GRM5: variants seen among roughly 807,000 people sequenced by gnomAD.
GRM5 encodes the protein metabotropic glutamate receptor 5.
A neutral mutation model predicts 83.1 loss-of-function variants in GRM5; 19 were observed. The observed-to-expected ratio is 0.23, with a 90% CI of 0.16 to 0.34. The LOEUF is 0.34. Ranked by LOEUF, GRM5 falls within the 10% of genes least tolerant of loss-of-function variation. The probability of loss-of-function intolerance (pLI) is 1.00; values close to 1 mark genes in which losing one functional copy is unlikely to be tolerated. For synonymous variants in GRM5, 675 were observed against 633.6 expected (o/e 1.07, Z -0.98); for missense variants, 1,160 against 1,588.3 (o/e 0.73, Z 4.58).
At chr11:88,875,876 A>T (rs1944845041) in intron 2 of GRM5, among the ~76,000 whole-genome samples, 1 of 152,098 alleles carries the variant, frequency 6.6e-6, no homozygotes, top group Non-Finnish European at 1.5e-5. Flanking sequence ...ATAAACAGAT[A>T]TGCTGTCATC....
At chr11:88,999,912 A>G (rs1940314162) in intron 2 of GRM5, among the ~76,000 whole-genome samples, 2 of 152,262 alleles carry the variant, frequency 1.3e-5, no homozygotes, top group Non-Finnish European at 2.9e-5. Flanking sequence ...GCAGCCATAA[A>G]AAATGATGAG....
chr11:89,021,718 A>G (rs1940989362), intron 2 of GRM5, among the ~76,000 whole-genome samples: 1 of 152,218 alleles, frequency 6.6e-6, no homozygotes, highest in Admixed American at 6.5e-5. Context: ...ATTGAGCTTT[A>G]AACTCTAGAC....
intron 8 of GRM5, among the ~76,000 whole-genome samples, chr11:88,532,647 T>C (rs1942040170): frequency 1.3e-5 from 2 of 152,106 alleles, no homozygotes; most frequent in South Asian, 4.2e-4. Context: ...ATGAATAAAA[T>C]GGAATTGTAA....
chr11:88,849,820 A>AT (rs1191137982), intron 3 of GRM5, 86 bp downstream of exon 3: 4 of 1,294,928 alleles, frequency 3.1e-6, no homozygotes, highest in East Asian at 4.6e-5. Context: ...CTTTGAAAGA[A>AT]TTTTTTATCA....
chr11:88,850,289 G>A, intron 2 of GRM5, 134 bp from the exon 3 acceptor site: 1 of 810,668 alleles, frequency 1.2e-6, no homozygotes, highest in South Asian at 1.7e-5. Flanking sequence ...CTGAATTTTG[G>A]TTTTTGCTCT....
intron 2 of GRM5, among the ~76,000 whole-genome samples, chr11:88,931,652 G>A (rs569104798): frequency 3.9e-5 from 6 of 152,154 alleles, no homozygotes; most frequent in Non-Finnish European, 8.8e-5. Flanking sequence ...ATAAAATACA[G>A]TTGTTATTGT....
chr11:88,509,563 C>T (rs987933498), intron 9 of GRM5, 59 bp from the exon 10 acceptor site: 28 of 1,315,242 alleles, frequency 2.1e-5, no homozygotes, highest in Non-Finnish European at 2.9e-5. Flanking sequence ...GCTTGGATGC[C>T]GCTTCCCCAA....
At chr11:88,562,688 T>C (rs1942784920) in intron 8 of GRM5, among the ~76,000 whole-genome samples, 1 of 152,006 alleles carries the variant, frequency 6.6e-6, no homozygotes, top group Non-Finnish European at 1.5e-5. Context: ...CTGCGACTGC[T>C]ACCACCGTGA....
chr11:88,636,163 A>G (rs1198228045), intron 4 of GRM5, among the ~76,000 whole-genome samples: 1 of 152,210 alleles, frequency 6.6e-6, no homozygotes, highest in Non-Finnish European at 1.5e-5. Context: ...TAGAACCTAT[A>G]GAATTGAAAG....
At chr11:89,012,729 A>G (rs951012365) in intron 2 of GRM5, among the ~76,000 whole-genome samples, 11 of 152,210 alleles carry the variant, frequency 7.2e-5, no homozygotes, top group African/African-American at 2.7e-4. Flanking sequence ...ACATTGACCA[A>G]ACATTAACGT....
intron 2 of GRM5, among the ~76,000 whole-genome samples, chr11:88,993,302 T>C (rs1184733020): frequency 6.7e-6 from 1 of 150,218 alleles, no homozygotes; most frequent in Non-Finnish European, 1.5e-5. Flanking sequence ...TCCAGTTTCA[T>C]TCTTTTATAT....
chr11:88,854,561 A>G (rs1944439804), intron 2 of GRM5, among the ~76,000 whole-genome samples: 1 of 151,986 alleles, frequency 6.6e-6, no homozygotes, highest in Non-Finnish European at 1.5e-5. Flanking sequence ...TAAAGCACAC[A>G]TTGGAAACAG....
chr11:89,055,982 G>C (rs761809852), intron 1 of GRM5, among the ~76,000 whole-genome samples: 6 of 152,138 alleles, frequency 3.9e-5, no homozygotes, highest in Non-Finnish European at 8.8e-5. Context: ...GGTAGTACCA[G>C]AGCCAAGAGT....
At chr11:88,817,186 G>C (rs1206956513) in intron 3 of GRM5, among the ~76,000 whole-genome samples, 1 of 152,126 alleles carries the variant, frequency 6.6e-6, no homozygotes, top group East Asian at 1.9e-4. Context: ...TCTTCAAATT[G>C]GTTTGGAATT....
chr11:89,003,315 AC>A (rs1207167504), intron 2 of GRM5, among the ~76,000 whole-genome samples: 2 of 151,656 alleles, frequency 1.3e-5, no homozygotes, highest in African/African-American at 4.8e-5. Flanking sequence ...TTCTTGAAAA[AC>A]CCCGGGATAT....
intron 8 of GRM5, among the ~76,000 whole-genome samples, chr11:88,557,852 C>A (rs61489676): frequency 0.046 from 6,959 of 151,730 alleles, 502 homozygotes; most frequent in African/African-American, 0.15. Context: ...TGCTTCACCC[C>A]TCAACCCATC....
intron 7 of GRM5, among the ~76,000 whole-genome samples, chr11:88,589,085 C>T (rs189825061): frequency 5.9e-5 from 9 of 152,100 alleles, no homozygotes; most frequent in South Asian, 2.1e-4. Flanking sequence ...AGTTAGTTGA[C>T]GATGCAAGAC....
At chr11:88,857,675 T>C (rs1944498710) in intron 2 of GRM5, among the ~76,000 whole-genome samples, 1 of 152,144 alleles carries the variant, frequency 6.6e-6, no homozygotes, top group Non-Finnish European at 1.5e-5. Flanking sequence ...TGTATTACAC[T>C]CATTTGTTTA....
Position 89,047,502 on chromosome 11 carries a change from T to C in GRM5, c.371A>G (p.Glu124Gly), listed in dbSNP as rs1941666886. The change falls in exon 2 of 10, where the codon GAA becomes GGA. Residue 124 changes from glutamate (E) to glycine (G), a missense_variant. Transcript: ENST00000305447. The surrounding 1 kb of genome is among the most constrained non-coding windows in gnomAD (Gnocchi z 5.1). The stretch of plus-strand genomic sequence containing the variant: ...GCCATCCACACAGCGTACCAAGCCT[T>C]CTTCCTCTTCTGAAGAAATGAGGGA... ...RDSLISSEEE[E>G]GLVRCVDGSS... 2 of 1,614,074 alleles carry C rather than the reference T, an allele frequency of 1.2e-6. No homozygotes were observed. Among genetic ancestry groups the C allele is most frequent in the Non-Finnish European group, 1.7e-6 (2 of 1,180,032 alleles).
Sources: gnomAD v4.1 joint callset for allele counts (sites outside exome capture counted in the v4.1 genomes callset) on GRCh38, gnomAD v4.1.1 for gene constraint, Gnocchi (gnomAD v3.1) non-coding constraint, MANE v1.5 for transcripts, NCBI Gene and HGNC (gene_info 2026-07-23, HGNC 2026-07-21) for gene names.